HERC3: variants seen among roughly 807,000 people sequenced by gnomAD.
HERC3 encodes HECT and RLD domain containing E3 ubiquitin protein ligase 3.
A neutral mutation model predicts 129.9 loss-of-function variants in HERC3; 58 were observed. The observed-to-expected ratio is 0.45, with a 90% CI of 0.36 to 0.56. HERC3 has a LOEUF of 0.56. HERC3 is among the 20% of genes least tolerant of loss of function. The pLI is 0.00. For missense variants in HERC3, 835 were observed against 1,244.2 expected, an observed-to-expected ratio of 0.67 and a Z score of 4.95; for synonymous variants, 430 against 451.0, an observed-to-expected ratio of 0.95 and a Z score of 0.59.
At chr4:88,631,416 C>T (rs188953206) in intron 3 of HERC3, among the ~76,000 whole-genome samples, 22 of 152,310 alleles carry the variant, frequency 1.4e-4, no homozygotes, top group South Asian at 8.3e-4. Context: ...GATTGTGCCA[C>T]TGCACTCCAG....
intron 3 of HERC3, among the ~76,000 whole-genome samples, chr4:88,632,567 C>T (rs1726893141): frequency 6.6e-6 from 1 of 152,140 alleles, no homozygotes; most frequent in Non-Finnish European, 1.5e-5. Flanking sequence ...AAACAAAGTT[C>T]TCAGGCAAGA....
At chr4:88,633,404 T>TG (rs1396084392) in intron 3 of HERC3, among the ~76,000 whole-genome samples, 7 of 152,236 alleles carry the variant, frequency 4.6e-5, no homozygotes, top group African/African-American at 1.4e-4. Flanking sequence ...AAAGGGGGGA[T>TG]GGTAAAGTAA....
At chr4:88,672,555 A>G (rs761426823) in intron 16 of HERC3, among the ~76,000 whole-genome samples, 2 of 152,220 alleles carry the variant, frequency 1.3e-5, no homozygotes, top group South Asian at 2.1e-4. Flanking sequence ...TAAATAATAG[A>G]TGGATTTTTT....
intron 11 of HERC3, among the ~76,000 whole-genome samples, chr4:88,663,310 G>T (rs1730699343): frequency 6.6e-6 from 1 of 152,170 alleles, no homozygotes; most frequent in South Asian, 2.1e-4. Flanking sequence ...CCCTAGAGCA[G>T]CTCTGTGGCA....
chr4:88,638,095 A>C (rs1487318312), intron 3 of HERC3, among the ~76,000 whole-genome samples: 3 of 152,202 alleles, frequency 2.0e-5, no homozygotes, highest in Non-Finnish European at 2.9e-5. Flanking sequence ...TGAGTCAGTA[A>C]TAGATACCCT....
the HERC3 span, among the ~76,000 whole-genome samples, chr4:88,524,210 CT>C: frequency 6.6e-6 from 1 of 152,116 alleles, no homozygotes; most frequent in African/African-American, 2.4e-5. Flanking sequence ...CCTTGTTTGG[CT>C]TTTTTCTCTC....
chr4:88,526,825 G>A, the HERC3 span, among the ~76,000 whole-genome samples: 10 of 152,052 alleles, frequency 6.6e-5, no homozygotes, highest in Non-Finnish European at 1.0e-4. Flanking sequence ...AAGCCACTGT[G>A]CCCAGCCCAA....
chr4:88,618,096 G>T (rs556239751), intron 3 of HERC3, among the ~76,000 whole-genome samples: 2 of 152,214 alleles, frequency 1.3e-5, no homozygotes, highest in Non-Finnish European at 2.9e-5. Flanking sequence ...TCACCAGGAG[G>T]CACAAATCAT....
At chr4:88,612,653 C>A (rs938732751) in intron 3 of HERC3, among the ~76,000 whole-genome samples, 3 of 152,126 alleles carry the variant, frequency 2.0e-5, no homozygotes, top group Non-Finnish European at 1.5e-5. Flanking sequence ...CCCTCCCCGA[C>A]AAAGCAGACA....
Position 88,690,346 on chromosome 4 carries a change from C to G in HERC3, c.2657+3047C>G, listed in dbSNP as rs1733947789. 3 of 985,246 alleles carry G rather than the reference C, an allele frequency of 3.0e-6. No individual in the cohort carries two copies. In the South Asian group the frequency reaches 1.4e-4, roughly 46 times the overall value. The allele number at this position is 985,246 out of a possible 1,614,324, so 61.0% of individuals were successfully genotyped here. A position where few individuals can be genotyped will look rare whatever the true frequency, so the allele number is the denominator to read the frequency against. ...GCAGATTTGTTAGCCCAGCTGATTT[C>G]CCTTCCCTCCTGGTTTTGGGGATTG... is the stretch of plus-strand genomic sequence containing the variant. On this transcript the variant is annotated intron_variant, in intron 23 of 25. Coordinates refer to ENST00000402738, the MANE Select transcript of HERC3 (RefSeq NM_014606.3).
At chr4:88,698,130 C>A (rs1734867455) in intron 23 of HERC3, among the ~76,000 whole-genome samples, 1 of 152,132 alleles carries the variant, frequency 6.6e-6, no homozygotes, top group African/African-American at 2.4e-5. Flanking sequence ...AGACCATTTT[C>A]CGTGTGCTCC....
upstream of HERC3, among the ~76,000 whole-genome samples, chr4:88,587,649 T>G (rs1721565823): frequency 6.6e-6 from 1 of 152,242 alleles, no homozygotes; most frequent in Non-Finnish European, 1.5e-5. Context: ...CAAAATTCCT[T>G]AAATTTCCTT....
the HERC3 span, among the ~76,000 whole-genome samples, chr4:88,577,617 A>ATACATATATATGTATATATATATACATAT: frequency 1.7e-4 from 25 of 149,822 alleles, no homozygotes; most frequent in East Asian, 5.8e-4. Flanking sequence ...ATATATATAT[A>ATACATATATATGTATATATATATACATAT]ATAGGTTTGT....
At chr4:88,557,668 A>G in the HERC3 span, among the ~76,000 whole-genome samples, 1 of 152,192 alleles carries the variant, frequency 6.6e-6, no homozygotes, top group African/African-American at 2.4e-5. Context: ...GGGCTTTCAG[A>G]TCGGATGTGG....
intron 25 of HERC3, among the ~76,000 whole-genome samples, chr4:88,704,863 C>CTTTTTTTT (rs1165694315): frequency 1.1e-4 from 14 of 130,648 alleles, no homozygotes; most frequent in African/African-American, 3.0e-4. Flanking sequence ...TTCTTTCTTT[C>CTTTTTTTT]TTTTTTTTTT....
the HERC3 span, among the ~76,000 whole-genome samples, chr4:88,575,581 T>G: frequency 6.6e-6 from 1 of 152,230 alleles, no homozygotes; most frequent in African/African-American, 2.4e-5. Context: ...TTCTTGGGAC[T>G]TTTCCTTCCT....
chr4:88,604,174 C>T (rs578078480), intron 2 of HERC3, among the ~76,000 whole-genome samples: 2 of 152,178 alleles, frequency 1.3e-5, no homozygotes, highest in Admixed American at 6.5e-5. Flanking sequence ...CATGCGCCAC[C>T]GCGCCTGGCT....
At chr4:88,568,558 C>T in the HERC3 span, among the ~76,000 whole-genome samples, 1 of 152,044 alleles carries the variant, frequency 6.6e-6, no homozygotes, top group Non-Finnish European at 1.5e-5. Flanking sequence ...CCTGCAGCCA[C>T]CACAGTTAGA....
intron 1 of HERC3, among the ~76,000 whole-genome samples, chr4:88,594,395 AAGTTATGACAATATCTT>A (rs1310215915): frequency 6.6e-6 from 1 of 152,178 alleles, no homozygotes; most frequent in Non-Finnish European, 1.5e-5. Flanking sequence ...GGTAGAAATA[AAGTTATGACAATATCTT>A]TTCTTTCGAG....
Sources: gnomAD v4.1 joint callset for allele counts (sites outside exome capture counted in the v4.1 genomes callset) on GRCh38, gnomAD v4.1.1 for gene constraint, MANE v1.5 for transcripts, NCBI Gene and HGNC (gene_info 2026-07-23, HGNC 2026-07-21) for gene names.